The following RASSF5 variants were observed in gnomAD, a reference collection of about 807,000 sequenced individuals.
The protein encoded by RASSF5 is Ras association domain family member 5.
A neutral mutation model predicts 40.5 loss-of-function variants in RASSF5; 25 were observed. The observed-to-expected ratio is 0.62, with a 90% CI of 0.45 to 0.86. RASSF5 has a LOEUF of 0.86. Ranked by LOEUF, RASSF5 falls within the 40% of genes least tolerant of loss-of-function variation. The pLI is 0.00. For missense variants in RASSF5, 521 were observed against 572.8 expected (o/e 0.91, Z 0.92); for synonymous variants, 246 against 252.4 (o/e 0.97, Z 0.24).
At position 206,552,854 on chromosome 1, in the gene RASSF5, AC is replaced by A. The variant is rs1228126725; in HGVS notation, c.579+14562del. Among the ~76,000 whole-genome samples the A allele has an allele frequency of 3.3e-5, 5 of 152,094 alleles. No homozygotes were observed. Among genetic ancestry groups the A allele is most frequent in the African/African-American group, 1.2e-4 (5 of 41,416 alleles). On this transcript the variant is annotated intron_variant, in intron 2 of 5. Transcript: ENST00000579436. The surrounding 1 kb of genome is among the most constrained non-coding windows in gnomAD (Gnocchi z 4.1). ...GACTGTATATTATTAGAAGGTAGGG[AC>A]TGTGTCTTATTCATGCCCAAACTCA...
At chr1:206,581,781 G>A (rs1553406397) in intron 2 of RASSF5, among the ~76,000 whole-genome samples, 1 of 152,132 alleles carries the variant, frequency 6.6e-6, no homozygotes, top group African/African-American at 2.4e-5. Context: ...CGGTTCTGTG[G>A]GATTGGAAAG....
chr1:206,563,267 G>A (rs181961323), intron 2 of RASSF5, among the ~76,000 whole-genome samples: 4 of 152,174 alleles, frequency 2.6e-5, no homozygotes, highest in African/African-American at 9.7e-5. Context: ...GCAGGTTGTG[G>A]TGAGCATTTA....
At chr1:206,510,636 T>C (rs376783071) in intron 1 of RASSF5, among the ~76,000 whole-genome samples, 7 of 152,226 alleles carry the variant, frequency 4.6e-5, no homozygotes, top group East Asian at 1.9e-4. Context: ...AGTGGGGAAG[T>C]GACTGCCATA....
At chr1:206,578,185 C>T (rs1668726107) in intron 2 of RASSF5, among the ~76,000 whole-genome samples, 1 of 151,170 alleles carries the variant, frequency 6.6e-6, no homozygotes, top group Non-Finnish European at 1.5e-5. Context: ...GTGATTGCAC[C>T]AGTGCACTCT....
At position 206,579,712 on chromosome 1, in the gene RASSF5, T is replaced by C. The variant is rs148008445; in HGVS notation, c.580-3557T>C. On this transcript the variant is annotated intron_variant, in intron 2 of 5. Coordinates refer to ENST00000579436, the MANE Select transcript of RASSF5 (RefSeq NM_182663.4). This position sits in a 1 kb window ranked among gnomAD's most constrained non-coding sequence, Gnocchi z 4.2. ...GCACCCCAGACCAATTAAATCAGAATCTCCAGGGATGAAGCCCAGGCAGCT... is the reference window on the plus strand; with the variant it reads ...GCACCCCAGACCAATTAAATCAGAACCTCCAGGGATGAAGCCCAGGCAGCT... Among the ~76,000 whole-genome samples, 223 of 152,284 alleles carry C rather than the reference T, an allele frequency of 1.5e-3. 1 individual carries two copies. Among genetic ancestry groups the C allele is most frequent in the Middle Eastern group, 3.4e-3 (1 of 294 alleles).
rs933820313 is a variant in RASSF5 at position 206,513,581 on chromosome 1, C to T, written c.457+5522C>T. On this transcript the variant is annotated intron_variant, in intron 1 of 5. Coordinates refer to ENST00000579436, the MANE Select transcript of RASSF5 (RefSeq NM_182663.4). This position sits in a 1 kb window ranked among gnomAD's most constrained non-coding sequence, Gnocchi z 5.0. ...CTCTGTCTCTGCTGACTCTGGGCAC[C>T]TGCCCCTCCCGCAGGGCTCTGTTCT... Among the ~76,000 whole-genome samples the T allele has an allele frequency of 1.3e-5, 2 of 152,246 alleles. No individual in the cohort carries two copies. The highest frequency in any genetic ancestry group is 4.8e-5 in the African/African-American group (2 of 41,468).
At chr1:206,545,660 T>C (rs1414956760) in intron 2 of RASSF5, among the ~76,000 whole-genome samples, 1 of 152,224 alleles carries the variant, frequency 6.6e-6, no homozygotes, top group Admixed American at 6.5e-5. Context: ...GCTTAGTTAA[T>C]TGACCTGTGT....
intron 2 of RASSF5, among the ~76,000 whole-genome samples, chr1:206,554,324 C>T (rs1485490540): frequency 3.3e-5 from 5 of 152,218 alleles, no homozygotes; most frequent in African/African-American, 1.2e-4. Flanking sequence ...AGTCCTGTAT[C>T]ACAGCTTTTC....
chr1:206,546,089 ATTTTTTTTTTTTTTTTTTTTTTTT>A (rs10603701), intron 2 of RASSF5, among the ~76,000 whole-genome samples: 5 of 48,246 alleles, frequency 1.0e-4, no homozygotes, highest in Non-Finnish European at 1.5e-4. Context: ...TTCTTTTTCT[ATTTTTTTTTTTTTTTTTTTTTTTT>A]TTTTTTTTTT....
At chr1:206,570,159 T>TTGGCTCACTGTAACCTC (rs1158055364) in intron 2 of RASSF5, among the ~76,000 whole-genome samples, 1 of 148,958 alleles carries the variant, frequency 6.7e-6, no homozygotes, top group Non-Finnish European at 1.5e-5. Flanking sequence ...TGGTGCAATA[T>TTGGCTCACTGTAACCTC]TGGCTCACTG....
At chr1:206,573,054 G>C in intron 2 of RASSF5, among the ~76,000 whole-genome samples, 1 of 152,342 alleles carries the variant, frequency 6.6e-6, no homozygotes, top group Non-Finnish European at 1.5e-5. Context: ...TGATAATTTG[G>C]ATGATGACGC....
chr1:206,585,342 G>A (rs1553407407), intron 5 of RASSF5, 47 bp downstream of exon 5: 3 of 1,318,930 alleles, frequency 2.3e-6, no homozygotes, highest in South Asian at 1.2e-5. Flanking sequence ...GGCACCCTGG[G>A]TGGGTGCAGG....
At chr1:206,581,916 G>A (rs1668899731) in intron 2 of RASSF5, among the ~76,000 whole-genome samples, 1 of 152,022 alleles carries the variant, frequency 6.6e-6, no homozygotes, top group African/African-American at 2.4e-5. Context: ...GGGTGGTGAT[G>A]TGACGTCGCG....
In RASSF5 at chr1:206,535,715, G is replaced by GGTGTGTGTGT. The variant is rs782619931; in HGVS notation, c.458-2437_458-2428dup. Among the ~76,000 whole-genome samples the GGTGTGTGTGT allele has an allele frequency of 6.9e-6, 1 of 145,008 alleles. No individual in the cohort carries two copies. The highest frequency in any genetic ancestry group is 2.6e-5 in the African/African-American group (1 of 38,940). On this transcript the variant is annotated intron_variant, in intron 1 of 5. Coordinates refer to ENST00000579436, the MANE Select transcript of RASSF5 (RefSeq NM_182663.4). The surrounding 1 kb of genome is among the most constrained non-coding windows in gnomAD (Gnocchi z 5.0). ...TGTGTGTGTGTGTCTGTGTGTGTGT[G>GGTGTGTGTGT]GTGTGTGTGTGTGTGTGTGTGTGTG...
chr1:206,558,641 A>G (rs1668061271), intron 2 of RASSF5, among the ~76,000 whole-genome samples: 1 of 152,156 alleles, frequency 6.6e-6, no homozygotes. Flanking sequence ...TTTGTTAATA[A>G]TTCATCTTGC....
chr1:206,586,657 A>G, intron 5 of RASSF5, 169 bp from the exon 6 acceptor site: 1 of 621,506 alleles, frequency 1.6e-6, no homozygotes, highest in Non-Finnish European at 2.8e-6. Flanking sequence ...CTGCTATGAC[A>G]GGCATGCAAA....
At chr1:206,533,535 C>G (rs181918607) in intron 1 of RASSF5, among the ~76,000 whole-genome samples, 1 of 152,176 alleles carries the variant, frequency 6.6e-6, no homozygotes, top group Admixed American at 6.5e-5. Context: ...GTGGGAGGAT[C>G]ACTTGAGGCG....
chr1:206,523,746 T>TA (rs1229029531), intron 1 of RASSF5, among the ~76,000 whole-genome samples: 20 of 96,582 alleles, frequency 2.1e-4, no homozygotes, highest in African/African-American at 2.6e-4. Flanking sequence ...ATAATATATT[T>TA]TATATAATAT....
chr1:206,581,888 G>T (rs1668896687), intron 2 of RASSF5, among the ~76,000 whole-genome samples: 1 of 152,074 alleles, frequency 6.6e-6, no homozygotes, highest in South Asian at 2.1e-4. Context: ...CGGAGGGGGG[G>T]CCCTGTTGTG....
Sources: gnomAD v4.1 joint callset for allele counts (sites outside exome capture counted in the v4.1 genomes callset) on GRCh38, gnomAD v4.1.1 for gene constraint, Gnocchi (gnomAD v3.1) non-coding constraint, MANE v1.5 for transcripts, NCBI Gene and HGNC (gene_info 2026-07-23, HGNC 2026-07-21) for gene names.